GARNL3: variants seen among roughly 807,000 people sequenced by gnomAD.
The protein encoded by GARNL3 is GTPase-activating Rap/Ran-GAP domain-like protein 3.
GARNL3 carries 63 observed loss-of-function variants against 125.0 expected under a neutral mutation model. The ratio of observed to expected loss-of-function variants is 0.50; its 90% CI spans 0.41 to 0.62. The LOEUF is 0.62. Among genes scored for constraint, GARNL3 ranks in the 20% least tolerant of loss-of-function variants. The pLI, the probability that GARNL3 is intolerant of heterozygous loss-of-function variation, is 0.00. For synonymous variants in GARNL3, 439 were observed against 457.5 expected, an observed-to-expected ratio of 0.96 and a Z score of 0.52; for missense variants, 994 against 1,244.0, an observed-to-expected ratio of 0.80 and a Z score of 3.02.
intron 1 of GARNL3, among the ~76,000 whole-genome samples, chr9:127,285,597 A>G (rs1267776361): frequency 6.6e-6 from 1 of 152,194 alleles, no homozygotes. Flanking sequence ...ATCAGAGAGA[A>G]ATGTACTAAA....
intron 1 of GARNL3, among the ~76,000 whole-genome samples, chr9:127,273,504 C>A (rs1028784352): frequency 6.6e-6 from 1 of 152,194 alleles, no homozygotes; most frequent in African/African-American, 2.4e-5. Context: ...ATGCCCATGC[C>A]TTAAATGGTT....
Position 127,280,698 on chromosome 9 carries a change from C to CT in GARNL3, c.145-10466dup, listed in dbSNP as rs995483425. Among the ~76,000 whole-genome samples, 13 of 152,298 alleles carry CT rather than the reference C, an allele frequency of 8.5e-5. No homozygotes were observed. Among genetic ancestry groups the CT allele is most frequent in the African/African-American group, 3.1e-4 (13 of 41,562 alleles). On this transcript the variant is annotated intron_variant, in intron 1 of 27. Coordinates refer to ENST00000373387, the MANE Select transcript of GARNL3 (RefSeq NM_032293.5). This position sits in a 1 kb window ranked among gnomAD's most constrained non-coding sequence, Gnocchi z 4.5. The stretch of plus-strand genomic sequence containing the variant: ...TCATTTGTGGTGAATTTTCACAAGT[C>CT]TTTTACTGGGAAATGGAGTATCAGG...
intron 7 of GARNL3, among the ~76,000 whole-genome samples, chr9:127,331,504 G>GA (rs35635452): frequency 4.4e-4 from 61 of 137,156 alleles, no homozygotes; most frequent in South Asian, 7.4e-4. Flanking sequence ...AAAAAAGAAA[G>GA]AAAAAAAAAA....
intron 1 of GARNL3, chr9:127,225,546 A>C: frequency 1.4e-5 from 3 of 221,148 alleles, no homozygotes; most frequent in South Asian, 1.6e-4. Flanking sequence ...GCCCGGGCTG[A>C]ACGGCCGTGG....
At chr9:127,334,167 A>AT (rs1829421201) in intron 9 of GARNL3, among the ~76,000 whole-genome samples, 1 of 152,164 alleles carries the variant, frequency 6.6e-6, no homozygotes, top group Non-Finnish European at 1.5e-5. Flanking sequence ...GAAAGGAAGC[A>AT]TTTTGAGGAT....
intron 12 of GARNL3, among the ~76,000 whole-genome samples, chr9:127,339,116 T>A (rs1829713789): frequency 6.6e-6 from 1 of 151,852 alleles, no homozygotes; most frequent in African/African-American, 2.4e-5. Flanking sequence ...GCTAACACGA[T>A]GAAACCCCGT....
chr9:127,354,411 G>A lies in GARNL3; in HGVS notation c.1759+1G>A, dbSNP rs1239294636. On this transcript the variant is annotated splice_donor_variant, in intron 19 of 27. Transcript: ENST00000373387. LOFTEE classifies it high-confidence loss of function. The stretch of plus-strand genomic sequence containing the variant: ...GAAAACAAGTTGGAGAAAACAAAAG[G>A]TGACTTGATAGATTGGTAGATTCCA... 2.5e-6 allele frequency: 4 copies of A among 1,572,838 alleles called. No homozygotes were observed. The Admixed American group carries it at 6.7e-5, about 27-fold the overall frequency.
chr9:127,276,306 T>C lies in GARNL3; in HGVS notation c.144+11285T>C, dbSNP rs2131312601. Reference sequence around the variant, plus strand: ...GTTACATGACAACTCTGTAGCCCTGTTAAAATTTTCTCCTCTCTTGACATC... The same window carrying C: ...GTTACATGACAACTCTGTAGCCCTGCTAAAATTTTCTCCTCTCTTGACATC... On this transcript the variant is annotated intron_variant, in intron 1 of 27. Transcript: ENST00000373387. 2.0e-5 allele frequency among the ~76,000 whole-genome samples: 3 copies of C among 152,236 alleles called. 1 individual carries two copies. In the South Asian group the frequency reaches 6.2e-4, roughly 32 times the overall value.
intron 2 of GARNL3, among the ~76,000 whole-genome samples, chr9:127,303,531 A>T (rs555781435): frequency 1.4e-5 from 2 of 145,010 alleles, no homozygotes; most frequent in East Asian, 1.9e-4. Context: ...GTAATTTTTT[A>T]AAAGTTTTAG....
intron 2 of GARNL3, among the ~76,000 whole-genome samples, chr9:127,305,167 T>C (rs931788166): frequency 3.0e-4 from 45 of 152,296 alleles, no homozygotes; most frequent in African/African-American, 1.1e-3. Flanking sequence ...CCTTCTGGAA[T>C]ACTGAAAATA....
intron 2 of GARNL3, among the ~76,000 whole-genome samples, chr9:127,250,465 G>T (rs78289998): frequency 0.015 from 2,288 of 152,282 alleles, 60 homozygotes; most frequent in African/African-American, 0.053. Context: ...TGAGTGACTG[G>T]CAAGAGGGCA....
chr9:127,371,580 G>T (rs112074830), intron 22 of GARNL3, among the ~76,000 whole-genome samples: 33 of 152,166 alleles, frequency 2.2e-4, no homozygotes, highest in African/African-American at 7.2e-4. Flanking sequence ...TGCCAGCTGT[G>T]CCTTGGTTCA....
At chr9:127,272,549 G>A (rs751604621) in intron 1 of GARNL3, among the ~76,000 whole-genome samples, 5 of 151,280 alleles carry the variant, frequency 3.3e-5, no homozygotes, top group Non-Finnish European at 7.4e-5. Flanking sequence ...GCTCGATCTC[G>A]GCTCACTGCA....
intron 10 of GARNL3, 136 bp downstream of exon 10, chr9:127,335,469 G>A (rs1564151862): frequency 7.2e-6 from 5 of 692,008 alleles, no homozygotes; most frequent in East Asian, 2.7e-5. Flanking sequence ...TGCTTTTGGC[G>A]GTCTGTATTG....
chr9:127,241,617 G>C (rs567624651), intron 1 of GARNL3, among the ~76,000 whole-genome samples: 1 of 152,156 alleles, frequency 6.6e-6, no homozygotes, highest in South Asian at 2.1e-4. Context: ...GGGGAAGCCA[G>C]GTCATCATTT....
At chr9:127,298,367 C>A (rs780936822) in intron 2 of GARNL3, among the ~76,000 whole-genome samples, 1 of 151,898 alleles carries the variant, frequency 6.6e-6, no homozygotes. Context: ...TTAGTAGAGA[C>A]GGGGTTTCAC....
intron 2 of GARNL3, among the ~76,000 whole-genome samples, chr9:127,249,042 T>A (rs1334104672): frequency 6.6e-6 from 1 of 152,198 alleles, no homozygotes; most frequent in Non-Finnish European, 1.5e-5. Flanking sequence ...ATTTTTGGGC[T>A]GGGGCTGGGT....
intron 25 of GARNL3, chr9:127,388,289 C>T (rs1276239828): frequency 1.3e-5 from 2 of 150,776 alleles, no homozygotes; most frequent in Non-Finnish European, 2.9e-5. Context: ...GCACTCCAGC[C>T]TGAGCGACAG....
At chr9:127,258,498 G>A (rs867654472) in intron 2 of GARNL3, among the ~76,000 whole-genome samples, 11 of 152,094 alleles carry the variant, frequency 7.2e-5, no homozygotes, top group African/African-American at 2.7e-4. Flanking sequence ...AATTAGCCGG[G>A]TGTGGTGGTG....
Sources: gnomAD v4.1 joint callset for allele counts (sites outside exome capture counted in the v4.1 genomes callset) on GRCh38, gnomAD v4.1.1 for gene constraint, Gnocchi (gnomAD v3.1) non-coding constraint, MANE v1.5 for transcripts, NCBI Gene and HGNC (gene_info 2026-07-23, HGNC 2026-07-21) for gene names.